The following SLIT1 variants were observed in gnomAD, a reference collection of about 807,000 sequenced individuals.
The protein encoded by SLIT1 is slit homolog 1 protein.
In SLIT1, 66 loss-of-function variants were observed where a neutral mutation model predicts 186.1. The ratio of observed to expected loss-of-function variants is 0.35; its 90% CI spans 0.29 to 0.44. The LOEUF is 0.44. Among genes scored for constraint, SLIT1 ranks in the 20% least tolerant of loss-of-function variants. The probability of loss-of-function intolerance (pLI) is 1.00; values close to 1 mark genes in which losing one functional copy is unlikely to be tolerated. For synonymous variants in SLIT1, 761 were observed against 833.8 expected, an observed-to-expected ratio of 0.91 and a Z score of 1.50; for missense variants, 1,638 against 2,037.4, an observed-to-expected ratio of 0.80 and a Z score of 3.77.
chr10:97,064,341 G>C, intron 6 of SLIT1, 102 bp from the exon 7 acceptor site: 1 of 907,098 alleles, frequency 1.1e-6, no homozygotes, highest in Non-Finnish European at 1.8e-6. Context: ...ACCTTAAAGT[G>C]ACCAGCACGG....
intron 4 of SLIT1, among the ~76,000 whole-genome samples, chr10:97,069,683 G>A (rs973582934): frequency 3.3e-5 from 5 of 152,208 alleles, no homozygotes; most frequent in African/African-American, 1.2e-4. Context: ...AGCATGTGCA[G>A]AAACCCAGAG....
At chr10:97,130,980 C>A (rs1849648338) in intron 4 of SLIT1, among the ~76,000 whole-genome samples, 1 of 152,148 alleles carries the variant, frequency 6.6e-6, no homozygotes, top group Admixed American at 6.5e-5. Context: ...TGGGCAGGAC[C>A]TCGGCCACAT....
chr10:97,046,617 A>G (rs1479309519), intron 18 of SLIT1, 37 bp downstream of exon 18: 2 of 1,559,278 alleles, frequency 1.3e-6, no homozygotes, highest in East Asian at 2.3e-5. Flanking sequence ...TGCCTCCTGC[A>G]GCTGGCCCAC....
At chr10:97,033,860 ATTTTT>A (rs36010222) in intron 23 of SLIT1, among the ~76,000 whole-genome samples, 1 of 125,318 alleles carries the variant, frequency 8.0e-6, no homozygotes, top group African/African-American at 3.1e-5. Flanking sequence ...GCACTGTTCT[ATTTTT>A]TTTTTTTTTT....
At chr10:97,032,570 CAAA>C (rs377278794) in intron 23 of SLIT1, among the ~76,000 whole-genome samples, 1 of 120,854 alleles carries the variant, frequency 8.3e-6, no homozygotes. Flanking sequence ...CTCCCCATCT[CAAA>C]AAAAAAAAAA....
intron 13 of SLIT1, among the ~76,000 whole-genome samples, chr10:97,054,454 T>A (rs543694621): frequency 1.3e-5 from 2 of 152,256 alleles, no homozygotes; most frequent in African/African-American, 4.8e-5. Context: ...TATTCCTTGA[T>A]AGTAACACAA....
chr10:97,178,496 A>G (rs1850286048), intron 1 of SLIT1, among the ~76,000 whole-genome samples: 1 of 152,228 alleles, frequency 6.6e-6, no homozygotes, highest in South Asian at 2.1e-4. Context: ...AAGGGAGACT[A>G]AAGACCATGA....
chr10:97,104,389 G>A (rs1364403641), intron 4 of SLIT1, among the ~76,000 whole-genome samples: 1 of 152,080 alleles, frequency 6.6e-6, no homozygotes, highest in Non-Finnish European at 1.5e-5. Context: ...GCCATCAGAG[G>A]GTTCCAAACA....
intron 31 of SLIT1, among the ~76,000 whole-genome samples, chr10:97,008,773 C>T (rs1848385095): frequency 6.6e-6 from 1 of 151,814 alleles, no homozygotes; most frequent in Non-Finnish European, 1.5e-5. Flanking sequence ...TCCCAGTTGA[C>T]TTCTTTGCAG....
At chr10:97,036,543 G>C (rs1848639971) in intron 22 of SLIT1, among the ~76,000 whole-genome samples, 1 of 152,214 alleles carries the variant, frequency 6.6e-6, no homozygotes, top group Non-Finnish European at 1.5e-5. Context: ...ACCTAGCTTA[G>C]TTTACGCGAA....
chr10:97,175,538 G>A (rs1178003398), intron 1 of SLIT1, among the ~76,000 whole-genome samples: 1 of 152,158 alleles, frequency 6.6e-6, no homozygotes, highest in African/African-American at 2.4e-5. Flanking sequence ...GTCAACACTT[G>A]ATATTTTCTG....
Position 97,059,498 on chromosome 10 carries a change from T to C in SLIT1, c.1047A>G (p.Ala349=). The C allele has an allele frequency of 6.2e-7, 1 of 1,613,814 alleles. No individual in the cohort carries two copies. Among genetic ancestry groups the C allele is most frequent in the Non-Finnish European group, 8.5e-7 (1 of 1,179,990 alleles). ...AGCGGAGGCCCTGGAAGGCGTCGGGTGCAATCTCAGCGATCTGATTGTTGC... is the reference window on the plus strand; with the variant it reads ...AGCGGAGGCCCTGGAAGGCGTCGGGCGCAATCTCAGCGATCTGATTGTTGC... ...DLSNNQIAEI[A]PDAFQGLRSL... is the part of the protein sequence containing the mutation. Residue 349 remains alanine, a synonymous_variant, in exon 11 of 37, where the codon GCA becomes GCG. Transcript: ENST00000266058.
chr10:97,128,986 GA>G (rs1849628519), intron 4 of SLIT1, among the ~76,000 whole-genome samples: 2 of 152,178 alleles, frequency 1.3e-5, no homozygotes, highest in African/African-American at 4.8e-5. Context: ...CAGTGTGGTA[GA>G]GGAGCAAATC....
intron 4 of SLIT1, among the ~76,000 whole-genome samples, chr10:97,107,569 G>A (rs973170788): frequency 6.6e-6 from 1 of 152,158 alleles, no homozygotes; most frequent in Non-Finnish European, 1.5e-5. Flanking sequence ...AAGCCATGGA[G>A]GACTACTTGA....
chr10:97,146,380 A>T (rs1342094607), intron 4 of SLIT1, among the ~76,000 whole-genome samples: 1 of 152,182 alleles, frequency 6.6e-6, no homozygotes, highest in Non-Finnish European at 1.5e-5. Flanking sequence ...TGTACAAGTC[A>T]TCACTGCATC....
intron 4 of SLIT1, among the ~76,000 whole-genome samples, chr10:97,069,806 C>G (rs1848985372): frequency 6.6e-6 from 1 of 152,178 alleles, no homozygotes; most frequent in African/African-American, 2.4e-5. Flanking sequence ...TGACATTCCT[C>G]CCTTCAAAAG....
chr10:97,040,029 C>G lies in SLIT1; in HGVS notation c.2256G>C (p.Leu752=), dbSNP rs1285114208. Residue 752 remains leucine (L), a synonymous_variant, in exon 21 of 37, where the codon CTG becomes CTC. Coordinates refer to ENST00000266058, the MANE Select transcript of SLIT1 (RefSeq NM_003061.3). ...DTVVRCSNKH[L]RALPKGIPKN... is the part of the protein sequence containing the mutation. The stretch of plus-strand genomic sequence containing the variant: ...TGGGAATGCCCTTGGGCAGGGCCCG[C>G]AGGTGCTTGTTGCTGCATCGGACCA... The G allele has an allele frequency of 3.1e-6, 5 of 1,613,692 alleles. No homozygotes were observed. The highest frequency in any genetic ancestry group is 3.4e-6 in the Non-Finnish European group (4 of 1,179,792).
intron 1 of SLIT1, among the ~76,000 whole-genome samples, chr10:97,176,974 C>T (rs2784911): frequency 0.5 from 75,926 of 152,002 alleles, 19,862 homozygotes; most frequent in East Asian, 0.6. Flanking sequence ...GAAATCCCAG[C>T]ACCAAGCAGT....
At chr10:97,175,062 C>T (rs1850238289) in intron 1 of SLIT1, among the ~76,000 whole-genome samples, 1 of 152,174 alleles carries the variant, frequency 6.6e-6, no homozygotes, top group East Asian at 1.9e-4. Context: ...CATTCTCCAC[C>T]AGTCCCTGGC....
Sources: allele counts gnomAD v4.1 joint callset (sites outside exome capture counted in the v4.1 genomes callset), GRCh38; gene constraint gnomAD v4.1.1; transcripts MANE v1.5; gene names NCBI Gene and HGNC (gene_info 2026-07-23, HGNC 2026-07-21).